The following EIPR1 variants were observed in gnomAD, a reference collection of about 807,000 sequenced individuals.
EIPR1 encodes EARP and GARP complex-interacting protein 1.
A neutral mutation model predicts 48.1 loss-of-function variants in EIPR1; 25 were observed. That is an observed-to-expected ratio of 0.52 (90% CI 0.38 to 0.73). EIPR1 has a LOEUF of 0.73. Among genes scored for constraint, EIPR1 ranks in the 30% least tolerant of loss-of-function variants. The probability of loss-of-function intolerance (pLI) is 0.00; values close to 1 mark genes in which losing one functional copy is unlikely to be tolerated. For synonymous variants in EIPR1, 204 were observed against 201.9 expected, an observed-to-expected ratio of 1.01 and a Z score of -0.09; for missense variants, 415 against 506.2, an observed-to-expected ratio of 0.82 and a Z score of 1.73.
At chr2:3,288,349 A>T (rs778143972) in intron 3 of EIPR1, among the ~76,000 whole-genome samples, 4 of 152,232 alleles carry the variant, frequency 2.6e-5, no homozygotes, top group Non-Finnish European at 5.9e-5. Context: ...ATTGTCATTG[A>T]AACTATCCAA....
At chr2:3,222,627 C>T (rs1665932978) in intron 4 of EIPR1, among the ~76,000 whole-genome samples, 1 of 152,162 alleles carries the variant, frequency 6.6e-6, no homozygotes, top group Non-Finnish European at 1.5e-5. Flanking sequence ...ATGAAGTCTG[C>T]AAAGAGCACA....
intron 3 of EIPR1, among the ~76,000 whole-genome samples, chr2:3,260,708 C>T (rs145951300): frequency 0.012 from 1,827 of 152,174 alleles, 32 homozygotes; most frequent in East Asian, 0.047. Context: ...ATGTACCTTA[C>T]GCCAAATCAG....
At chr2:3,287,276 ACACTCCAG>A (rs1668219502) in intron 3 of EIPR1, among the ~76,000 whole-genome samples, 1 of 129,130 alleles carries the variant, frequency 7.7e-6, no homozygotes, top group African/African-American at 2.8e-5. Context: ...CTCATTCACC[ACACTCCAG>A]AAAGCTCGTT....
At chr2:3,200,370 C>T (rs535985513) in intron 5 of EIPR1, among the ~76,000 whole-genome samples, 110 of 152,274 alleles carry the variant, frequency 7.2e-4, no homozygotes, top group African/African-American at 2.1e-3. Flanking sequence ...AGGAAAAGCG[C>T]GGGGCTTTTG....
intron 5 of EIPR1, among the ~76,000 whole-genome samples, chr2:3,206,765 G>A (rs1476321158): frequency 2.0e-5 from 3 of 151,914 alleles, no homozygotes; most frequent in Non-Finnish European, 4.4e-5. Context: ...TTTTTACCAA[G>A]ATAGACTATA....
At chr2:3,233,443 A>G (rs917139937) in intron 4 of EIPR1, among the ~76,000 whole-genome samples, 1 of 152,226 alleles carries the variant, frequency 6.6e-6, no homozygotes, top group African/African-American at 2.4e-5. Context: ...GCTTAGAGCT[A>G]TAATTGCTGG....
At chr2:3,247,005 GAGAGAGC>G (rs1160673576) in intron 4 of EIPR1, among the ~76,000 whole-genome samples, 2 of 18,116 alleles carry the variant, frequency 1.1e-4, no homozygotes, top group Admixed American at 6.4e-4. Flanking sequence ...AGCGAGGGAG[GAGAGAGC>G]GAGGGAGGGA....
chr2:3,227,066 G>A (rs943147202), intron 4 of EIPR1, among the ~76,000 whole-genome samples: 17 of 152,196 alleles, frequency 1.1e-4, no homozygotes, highest in African/African-American at 4.1e-4. Flanking sequence ...TGGTACTGCA[G>A]AGAGTGAGGC....
intron 3 of EIPR1, among the ~76,000 whole-genome samples, chr2:3,287,505 A>ACTCCAGAAAGTTTGTTCACCACG (rs1668232332): frequency 7.1e-6 from 1 of 141,292 alleles, no homozygotes; most frequent in South Asian, 2.3e-4. Context: ...CGTTCACCAC[A>ACTCCAGAAAGTTTGTTCACCACG]CTCCAGAAAG....
intron 3 of EIPR1, among the ~76,000 whole-genome samples, chr2:3,280,410 G>A (rs1357954446): frequency 6.6e-6 from 1 of 152,108 alleles, no homozygotes; most frequent in Non-Finnish European, 1.5e-5. Context: ...GGCTTCACAC[G>A]AGCCACACCC....
rs561907546 is a variant in EIPR1 at position 3,337,620 on chromosome 2, G to A, written c.259+397C>T. ...TGAGGCATATCACCAGTCAACGCGC[G>A]TGTGTGCATGGAACTGCTCTTACCA... On this transcript the variant is annotated intron_variant, in intron 3 of 8. Coordinates refer to ENST00000382125, the MANE Select transcript of EIPR1 (RefSeq NM_003310.5). Among the ~76,000 whole-genome samples, 7 of 152,262 alleles carry A rather than the reference G, an allele frequency of 4.6e-5. No homozygotes were observed. The South Asian group carries it at 8.3e-4, about 18-fold the overall frequency.
intron 3 of EIPR1, among the ~76,000 whole-genome samples, chr2:3,306,069 T>C (rs1170079492): frequency 6.6e-6 from 1 of 152,226 alleles, no homozygotes; most frequent in Non-Finnish European, 1.5e-5. Context: ...TGTGCTGAAC[T>C]TATTGACAGA....
intron 4 of EIPR1, among the ~76,000 whole-genome samples, chr2:3,242,246 G>A (rs910885610): frequency 1.4e-5 from 2 of 144,912 alleles, no homozygotes; most frequent in East Asian, 4.0e-4. Flanking sequence ...CCATGGGCCC[G>A]GCAGCAGCCA....
chr2:3,364,902 AT>A (rs1166564758), intron 1 of EIPR1, among the ~76,000 whole-genome samples: 2 of 152,196 alleles, frequency 1.3e-5, no homozygotes, highest in African/African-American at 2.4e-5. Context: ...GAAATAAGAC[AT>A]AGTGTTTGGT....
In EIPR1 at chr2:3,189,367, C is replaced by A; in HGVS notation, c.1131G>T (p.Val377=). Residue 377 remains valine (V), a synonymous_variant, in exon 9 of 9, where the codon GTG becomes GTT. Coordinates refer to ENST00000382125, the MANE Select transcript of EIPR1 (RefSeq NM_003310.5). The surrounding 1 kb of genome is among the most constrained non-coding windows in gnomAD (Gnocchi z 4.6). ...GGATGTGGTACTTCAGGGCCCTGGG[C>A]ACCCTGTTGATCACGAGCCTCCCGT... The part of the protein sequence containing the change: ...SYDGRLVINR[V]PRALKYHILL The A allele has an allele frequency of 6.2e-7, 1 of 1,601,060 alleles. No homozygotes were observed.
At chr2:3,343,052 C>T (rs1670298344) in intron 2 of EIPR1, among the ~76,000 whole-genome samples, 2 of 152,336 alleles carry the variant, frequency 1.3e-5, no homozygotes, top group South Asian at 2.1e-4. Context: ...CTATTAATCA[C>T]AATCTACAGG....
intron 3 of EIPR1, among the ~76,000 whole-genome samples, chr2:3,315,146 C>T (rs1296624549): frequency 9.6e-6 from 1 of 104,004 alleles, no homozygotes; most frequent in South Asian, 3.8e-4. Flanking sequence ...TCACTAGCAT[C>T]GCCCCCATGC....
At chr2:3,311,997 C>T (rs1669145286) in intron 3 of EIPR1, among the ~76,000 whole-genome samples, 1 of 152,166 alleles carries the variant, frequency 6.6e-6, no homozygotes, top group African/African-American at 2.4e-5. Flanking sequence ...AAGGACCTGG[C>T]GGTCACTCTC....
chr2:3,377,534 A>T, intron 1 of EIPR1, 114 bp downstream of exon 1: 1 of 1,343,320 alleles, frequency 7.4e-7, no homozygotes, highest in Non-Finnish European at 1.0e-6. Flanking sequence ...ACTAGGGAAC[A>T]GACACGGGTC....
Sources: allele counts gnomAD v4.1 joint callset (sites outside exome capture counted in the v4.1 genomes callset), GRCh38; gene constraint gnomAD v4.1.1; non-coding constraint Gnocchi (gnomAD v3.1); transcripts MANE v1.5; gene names NCBI Gene and HGNC (gene_info 2026-07-23, HGNC 2026-07-21).